Variants in VGLL3 observed in about 807,000 individuals in gnomAD.
VGLL3 encodes the protein transcription cofactor vestigial-like protein 3.
In VGLL3, 18 loss-of-function variants were observed where a neutral mutation model predicts 29.2. The ratio of observed to expected loss-of-function variants is 0.62; its 90% CI spans 0.43 to 0.91. The LOEUF (loss-of-function observed/expected upper bound fraction) is 0.91, where lower values mean the gene tolerates loss of function less well. Ranked by LOEUF, VGLL3 falls within the 40% of genes least tolerant of loss-of-function variation. VGLL3 has a pLI of 0.00. For missense variants in VGLL3, 440 were observed against 413.2 expected, an observed-to-expected ratio of 1.06 and a Z score of -0.56; for synonymous variants, 180 against 151.8, an observed-to-expected ratio of 1.19 and a Z score of -1.36.
intron 2 of VGLL3, among the ~76,000 whole-genome samples, chr3:86,975,736 T>A (rs1306897520): frequency 2.0e-5 from 3 of 152,154 alleles, no homozygotes; most frequent in Non-Finnish European, 2.9e-5. Flanking sequence ...ATTTGTAGAC[T>A]TAGTGGGATA....
In VGLL3 at chr3:86,990,872, G is replaced by A. The variant is rs1705571941; in HGVS notation, c.-129C>T. On this transcript the variant is annotated 5_prime_UTR_variant, in exon 1 of 4. Coordinates refer to ENST00000398399, the MANE Select transcript of VGLL3 (RefSeq NM_016206.4). ...CTCCAGCTGCTACTGCGGCGAAGGC[G>A]GGTCCTCGGCGGCCTCGGGCTCCGC... 1.7e-6 allele frequency: 2 copies of A among 1,149,296 alleles called. No individual in the cohort carries two copies. Among genetic ancestry groups the A allele is most frequent in the Non-Finnish European group, 2.2e-6 (2 of 927,768 alleles). 71.2% of individuals were successfully genotyped at this position (1,149,296 alleles called of 1,614,324 possible).
rs776998791 is a variant in VGLL3, at chr3:86,938,818, T to C, written c.*8206A>G. ...GTGTTAAAGCTTTACCACGTCAATGTGGTCATATTTAGCTATTTAGTCAAA... is the reference window on the plus strand; with the variant it reads ...GTGTTAAAGCTTTACCACGTCAATGCGGTCATATTTAGCTATTTAGTCAAA... On this transcript the variant is annotated 3_prime_UTR_variant, in exon 4 of 4. Transcript: ENST00000398399. The C allele has an allele frequency of 3.3e-5, 5 of 152,262 alleles. No individual in the cohort carries two copies. The highest frequency in any genetic ancestry group is 7.3e-5 in the Non-Finnish European group (5 of 68,038). 9.4% of individuals were successfully genotyped at this position (152,262 alleles called of 1,614,324 possible). A position where few individuals can be genotyped will look rare whatever the true frequency, so the allele number is the denominator to read the frequency against.
chr3:86,975,372 T>G (rs533114881), intron 2 of VGLL3, among the ~76,000 whole-genome samples: 61 of 152,218 alleles, frequency 4.0e-4, no homozygotes, highest in Non-Finnish European at 8.1e-4. Context: ...TTTTATATAT[T>G]TATCTAAATC....
Position 86,969,120 on chromosome 3 carries a change from C to A in VGLL3, c.407G>T (p.Ser136Ile). The A allele has an allele frequency of 1.3e-6, 2 of 1,579,786 alleles. No homozygotes were observed. Among genetic ancestry groups the A allele is most frequent in the Non-Finnish European group, 1.7e-6 (2 of 1,162,606 alleles). The change falls in exon 3 of 4, where the codon AGC becomes ATC. Residue 136 changes from serine (S) to isoleucine (I), a missense_variant. Transcript: ENST00000398399. ...KMGLTPLWRD[S>I]SALSSQRNSF... ...ATTCCGCTGGCTTGAGAGAGCTGAG[C>A]TGTCTGAGAAGACAGAAAATAAAAA...
chr3:86,973,573 C>A (rs1705149602), intron 2 of VGLL3, among the ~76,000 whole-genome samples: 1 of 152,142 alleles, frequency 6.6e-6, no homozygotes, highest in African/African-American at 2.4e-5. Flanking sequence ...TGTGACTCTA[C>A]AATGAGAGTT....
At chr3:86,966,375 C>T (rs1239535127) in intron 3 of VGLL3, among the ~76,000 whole-genome samples, 1 of 152,014 alleles carries the variant, frequency 6.6e-6, no homozygotes, top group Non-Finnish European at 1.5e-5. Flanking sequence ...TCCAATTCTG[C>T]CTGATCAATG....
Position 86,946,786 on chromosome 3 carries a change from A to C in VGLL3, c.*238T>G, listed in dbSNP as rs1704516332. On this transcript the variant is annotated 3_prime_UTR_variant, in exon 4 of 4. Transcript: ENST00000398399. The stretch of plus-strand genomic sequence containing the variant: ...TAAAAGCAAGATAACAAAAGGAGAG[A>C]GTTGCACAGTTGGCAAAGGCTCAGA... 6.9e-6 allele frequency: 3 copies of C among 436,980 alleles called. No individual in the cohort carries two copies. Among genetic ancestry groups the C allele is most frequent in the African/African-American group, 4.0e-5 (2 of 49,562 alleles). The allele number at this position is 436,980 out of a possible 1,614,324, so 27.1% of individuals were successfully genotyped here. A position where few individuals can be genotyped will look rare whatever the true frequency, so the allele number is the denominator to read the frequency against.
rs565053943 is a variant in VGLL3, at chr3:86,978,079, A to C, written c.403+447T>G. Among the ~76,000 whole-genome samples the C allele has an allele frequency of 3.3e-5, 5 of 152,344 alleles. No individual in the cohort carries two copies. The East Asian group carries it at 9.7e-4, about 29-fold the overall frequency. ...CAAATCAGGATAAAGAAGCCTATTC[A>C]AAGAACACAGACAGCTTTCAATGTC... On this transcript the variant is annotated intron_variant, in intron 2 of 3. Coordinates refer to ENST00000398399, the MANE Select transcript of VGLL3 (RefSeq NM_016206.4).
intron 1 of VGLL3, among the ~76,000 whole-genome samples, chr3:86,988,160 T>C (rs1444811949): frequency 7.2e-5 from 11 of 152,164 alleles, no homozygotes; most frequent in Non-Finnish European, 2.9e-5. Flanking sequence ...AAAACTTTAA[T>C]GCTGTCTTTT....
Position 86,990,711 on chromosome 3 carries a change from C to T in VGLL3, c.33G>A (p.Gln11=), listed in dbSNP as rs765319439. The change falls in exon 1 of 4, where the codon CAG becomes CAA. Residue 11 remains glutamine, a synonymous_variant. Transcript: ENST00000398399. ...GCAGATACTGGGACGCTCCATAAGG[C>T]TGGGGGTGATACATCACCTCCGCAC... MSCAEVMYHP[Q]PYGASQYLPN... The T allele has an allele frequency of 8.2e-6, 11 of 1,333,606 alleles. No individual in the cohort carries two copies. The highest frequency in any genetic ancestry group is 2.1e-4 in the Middle Eastern group (1 of 4,728). 82.6% of individuals were successfully genotyped at this position (1,333,606 alleles called of 1,614,324 possible). A position where few individuals can be genotyped will look rare whatever the true frequency, so the allele number is the denominator to read the frequency against.
In VGLL3 at chr3:86,977,535, G is replaced by A. The variant is rs1298883050; in HGVS notation, c.403+991C>T. 2.6e-5 allele frequency among the ~76,000 whole-genome samples: 4 copies of A among 152,118 alleles called. No individual in the cohort carries two copies. The East Asian group carries it at 7.7e-4, about 29-fold the overall frequency. ...TAGTTCAATAGATTCGAGATAAGGG[G>A]GTCCTGCAAACTGTCCTTAACAGGA... On this transcript the variant is annotated intron_variant, in intron 2 of 3. Transcript: ENST00000398399.
intron 3 of VGLL3, among the ~76,000 whole-genome samples, chr3:86,952,493 G>A (rs1704636261): frequency 6.6e-6 from 1 of 152,068 alleles, no homozygotes; most frequent in African/African-American, 2.4e-5. Flanking sequence ...CATACAATGG[G>A]AAACATGCTG....
intron 3 of VGLL3, among the ~76,000 whole-genome samples, chr3:86,957,872 A>G (rs1329522649): frequency 6.6e-6 from 1 of 152,042 alleles, no homozygotes; most frequent in Admixed American, 6.6e-5. Flanking sequence ...ACATGTATAT[A>G]TATTCTTCTT....
rs1424801297 is a variant in VGLL3 at position 86,941,883 on chromosome 3, G to A, written c.*5141C>T. ...TTACCATGAAAAGTAACATTTTGAA[G>A]TTATTGAGACTGAGGTTTCCTTATG... On this transcript the variant is annotated 3_prime_UTR_variant, in exon 4 of 4. Transcript: ENST00000398399. 6.6e-6 allele frequency: 1 copy of A among 152,042 alleles called. No homozygotes were observed. Among genetic ancestry groups the A allele is most frequent in the African/African-American group, 2.4e-5 (1 of 41,432 alleles). 9.4% of individuals were successfully genotyped at this position (152,042 alleles called of 1,614,324 possible). A position where few individuals can be genotyped will look rare whatever the true frequency, so the allele number is the denominator to read the frequency against.
intron 2 of VGLL3, among the ~76,000 whole-genome samples, chr3:86,977,834 T>C (rs1340682831): frequency 6.6e-6 from 1 of 152,258 alleles, no homozygotes; most frequent in Non-Finnish European, 1.5e-5. Flanking sequence ...TGACGTATTA[T>C]GTTTTTATCT....
At chr3:86,962,346 T>C (rs978239422) in intron 3 of VGLL3, 11 of 985,272 alleles carry the variant, frequency 1.1e-5, no homozygotes, top group Non-Finnish European at 1.2e-5. Flanking sequence ...GTGCAAAATA[T>C]GGGGTGGCAT....
At chr3:86,969,342 C>T (rs573466676) in intron 2 of VGLL3, among the ~76,000 whole-genome samples, 1 of 152,280 alleles carries the variant, frequency 6.6e-6, no homozygotes, top group Non-Finnish European at 1.5e-5. Flanking sequence ...TTAAATGAGC[C>T]TCCCTCCATT....
chr3:86,972,934 TG>T (rs2107031820), intron 2 of VGLL3, among the ~76,000 whole-genome samples: 1 of 152,326 alleles, frequency 6.6e-6, no homozygotes, highest in East Asian at 1.9e-4. Flanking sequence ...ATTGATACAT[TG>T]TCTAATAAAA....
chr3:86,975,813 G>C (rs943949761), intron 2 of VGLL3, among the ~76,000 whole-genome samples: 3 of 151,984 alleles, frequency 2.0e-5, no homozygotes, highest in African/African-American at 7.2e-5. Context: ...GATGTAAAAA[G>C]CTCTAAAACA....
Sources: allele counts gnomAD v4.1 joint callset (sites outside exome capture counted in the v4.1 genomes callset), GRCh38; gene constraint gnomAD v4.1.1; transcripts MANE v1.5; gene names NCBI Gene and HGNC (gene_info 2026-07-23, HGNC 2026-07-21).